Variants in ACSS2 observed in about 807,000 individuals in gnomAD.
ACSS2 encodes the protein acetyl-coenzyme A synthetase, cytoplasmic.
In ACSS2, 58 loss-of-function variants were observed where a neutral mutation model predicts 90.6. That is an observed-to-expected ratio of 0.64 (90% confidence interval 0.52 to 0.80). The LOEUF (loss-of-function observed/expected upper bound fraction) is 0.80, where lower values mean the gene tolerates loss of function less well. Ranked by LOEUF, ACSS2 falls within the 30% of genes least tolerant of loss-of-function variation. The probability of loss-of-function intolerance (pLI) is 0.00; values close to 1 mark genes in which losing one functional copy is unlikely to be tolerated. For synonymous variants in ACSS2, 300 were observed against 330.9 expected, an observed-to-expected ratio of 0.91 and a Z score of 1.01; for missense variants, 759 against 912.0, an observed-to-expected ratio of 0.83 and a Z score of 2.16.
intron 14 of ACSS2, among the ~76,000 whole-genome samples, chr20:34,924,062 A>T (rs1329081580): frequency 6.6e-6 from 1 of 152,158 alleles, no homozygotes; most frequent in Non-Finnish European, 1.5e-5. Flanking sequence ...CCGAACTTTG[A>T]TGTATGAGGA....
intron 2 of ACSS2, among the ~76,000 whole-genome samples, chr20:34,904,420 T>C (rs548666422): frequency 6.6e-6 from 1 of 152,068 alleles, no homozygotes; most frequent in East Asian, 1.9e-4. Context: ...GCCGTTTGGC[T>C]GGAGCAGAGG....
chr20:34,879,914 T>C (rs6087641), intron 1 of ACSS2, among the ~76,000 whole-genome samples: 82,344 of 152,032 alleles, frequency 0.54, 23,047 homozygotes, highest in South Asian at 0.73. Flanking sequence ...TGAGCTTCAG[T>C]TTTCTCATCT....
intron 7 of ACSS2, chr20:34,915,302 G>C: frequency 6.2e-7 from 1 of 1,611,898 alleles, no homozygotes; most frequent in Admixed American, 1.7e-5. Context: ...CTGTTTGCTT[G>C]TCTGTGTGCT....
At chr20:34,915,772 T>C (rs780097103) in intron 7 of ACSS2, among the ~76,000 whole-genome samples, 25 of 152,190 alleles carry the variant, frequency 1.6e-4, no homozygotes, top group Non-Finnish European at 2.9e-4. Context: ...GTAATATGAT[T>C]AAGTGCTAAA....
chr20:34,879,541 CA>C (rs1457520166), intron 1 of ACSS2, among the ~76,000 whole-genome samples: 11 of 136,288 alleles, frequency 8.1e-5, no homozygotes, highest in Non-Finnish European at 1.6e-4. Flanking sequence ...CTACCCCCCC[CA>C]AAAAAACCCA....
intron 2 of ACSS2, among the ~76,000 whole-genome samples, chr20:34,893,283 C>A (rs2080380024): frequency 6.6e-6 from 1 of 152,096 alleles, no homozygotes; most frequent in Non-Finnish European, 1.5e-5. Flanking sequence ...CCCACTGTAG[C>A]CTCAAACTCC....
chr20:34,886,105 T>C (rs1305762655), intron 2 of ACSS2, among the ~76,000 whole-genome samples: 1 of 152,224 alleles, frequency 6.6e-6, no homozygotes, highest in African/African-American at 2.4e-5. Context: ...TTAAATGATA[T>C]GCTTATACTG....
rs767129219 is a variant in ACSS2, at chr20:34,926,897, A to G, written c.1924A>G (p.Ile642Val). 28 of 1,614,006 alleles carry G rather than the reference A, an allele frequency of 1.7e-5. No individual in the cohort carries two copies. Among genetic ancestry groups the G allele is most frequent in the African/African-American group, 1.3e-5 (1 of 74,892 alleles). ...KKQIREKIGP[I>V]ATPDYIQNAP... ...TACAGTTAGAGAAAAGATTGGCCCC[A>G]TTGCCACACCAGACTACATCCAGAA... Residue 642 changes from isoleucine (I) to valine (V), a missense_variant, in exon 17 of 18, where the codon ATT (isoleucine) becomes GTT (valine). Ile to Val is a conservative substitution (Grantham distance 29, BLOSUM62 3). Coordinates refer to ENST00000360596, the MANE Select transcript of ACSS2 (RefSeq NM_018677.4).
In ACSS2 at chr20:34,914,353, C is replaced by A. The variant is rs775492006; in HGVS notation, c.750C>A (p.Val250=). The A allele has an allele frequency of 1.2e-6, 2 of 1,613,786 alleles. No homozygotes were observed. The highest frequency in any genetic ancestry group is 1.1e-5 in the South Asian group (1 of 90,954). ...TCCCAGTAAGATGCTGCATTGTGGT[C>A]AAGCACCTGGGGCGGGCAGAGCTCG... ...KGFPVRCCIV[V]KHLGRAELGM... Residue 250 remains valine, a synonymous_variant, in exon 7 of 18, where the codon GTC becomes GTA. Coordinates refer to ENST00000360596, the MANE Select transcript of ACSS2 (RefSeq NM_018677.4).
At position 34,913,876 on chromosome 20, in the gene ACSS2, G is replaced by A. The variant is rs375224834; in HGVS notation, c.643+51G>A. 1.7e-5 allele frequency: 27 copies of A among 1,571,624 alleles called. No homozygotes were observed. In the African/African-American group the frequency reaches 3.5e-4, roughly 20 times the overall value. On this transcript the variant is annotated intron_variant, in intron 5 of 17. Transcript: ENST00000360596. ...CAGAACCCCCCATACCTCAAGCCTT[G>A]GTCTCCAATCAGCTCATTGGTATTT...
At chr20:34,903,266 C>T (rs887485320) in intron 2 of ACSS2, among the ~76,000 whole-genome samples, 5 of 151,230 alleles carry the variant, frequency 3.3e-5, no homozygotes, top group East Asian at 2.0e-4. Context: ...CATTTGAACC[C>T]GGCAGGCAGA....
intron 1 of ACSS2, among the ~76,000 whole-genome samples, chr20:34,881,648 T>C (rs903619639): frequency 1.3e-5 from 2 of 152,182 alleles, no homozygotes; most frequent in East Asian, 3.9e-4. Flanking sequence ...TTTTTTCATA[T>C]GGGAGTGGAG....
Position 34,914,385 on chromosome 20 carries a change from G to C in ACSS2, c.782G>C (p.Gly261Ala). Reference sequence around the variant, plus strand: ...CTGGGGCGGGCAGAGCTCGGCATGGGTGACTCCACCAGCCAGTCCCCCCCA... The same window carrying C: ...CTGGGGCGGGCAGAGCTCGGCATGGCTGACTCCACCAGCCAGTCCCCCCCA... ...KHLGRAELGM[G>A]DSTSQSPPIK... The change falls in exon 7 of 18, where the codon GGT (glycine) becomes GCT (alanine). Residue 261 changes from glycine (G) to alanine (A), a missense_variant. Transcript: ENST00000360596. 1 of 1,613,930 alleles carries C rather than the reference G, an allele frequency of 6.2e-7. No homozygotes were observed. Among genetic ancestry groups the C allele is most frequent in the Non-Finnish European group, 8.5e-7 (1 of 1,179,940 alleles).
At chr20:34,884,959 G>A (rs1043958627) in intron 2 of ACSS2, among the ~76,000 whole-genome samples, 2 of 152,016 alleles carry the variant, frequency 1.3e-5, no homozygotes, top group African/African-American at 4.8e-5. Context: ...CAGCACTTTG[G>A]GAGACCAAGG....
chr20:34,910,514 G>T (rs906953041), intron 2 of ACSS2, among the ~76,000 whole-genome samples: 1 of 152,158 alleles, frequency 6.6e-6, no homozygotes, highest in Non-Finnish European at 1.5e-5. Context: ...AATTAGCCAG[G>T]TGTGGTAGCA....
At chr20:34,893,526 C>A (rs556339039) in intron 2 of ACSS2, 1 of 151,726 alleles carries the variant, frequency 6.6e-6, no homozygotes, top group Non-Finnish European at 1.5e-5. Flanking sequence ...GCACACACCA[C>A]CATGCCCAGC....
intron 2 of ACSS2, among the ~76,000 whole-genome samples, chr20:34,886,271 T>C (rs1186361532): frequency 6.6e-6 from 1 of 152,152 alleles, no homozygotes; most frequent in African/African-American, 2.4e-5. Context: ...AAGAATAGCA[T>C]ACTGTGGTTA....
At chr20:34,907,925 T>A (rs2080849209) in intron 2 of ACSS2, among the ~76,000 whole-genome samples, 1 of 152,224 alleles carries the variant, frequency 6.6e-6, no homozygotes, top group South Asian at 2.1e-4. Flanking sequence ...GTGTGACCTC[T>A]GTTAGTAAGA....
At chr20:34,919,833 G>A (rs2081158145) in intron 8 of ACSS2, among the ~76,000 whole-genome samples, 1 of 152,004 alleles carries the variant, frequency 6.6e-6, no homozygotes, top group Non-Finnish European at 1.5e-5. Context: ...ATGCACCCAT[G>A]GTTTGGTTGA....
Sources: allele counts gnomAD v4.1 joint callset (sites outside exome capture counted in the v4.1 genomes callset), GRCh38; gene constraint gnomAD v4.1.1; transcripts MANE v1.5; gene names NCBI Gene and HGNC (gene_info 2026-07-23, HGNC 2026-07-21).